Variants in TNRC6A observed in about 807,000 individuals in gnomAD.
The protein encoded by TNRC6A is trinucleotide repeat containing adaptor 6A, also known as trinucleotide repeat-containing gene 6A protein.
TNRC6A carries 44 observed loss-of-function variants against 221.2 expected under a neutral mutation model. The ratio of observed to expected loss-of-function variants is 0.20; its 90% CI spans 0.16 to 0.26. TNRC6A has a LOEUF of 0.26. Among genes scored for constraint, TNRC6A ranks in the 10% least tolerant of loss-of-function variants. TNRC6A has a pLI of 1.00. For synonymous variants in TNRC6A, 847 were observed against 838.5 expected, an observed-to-expected ratio of 1.01 and a Z score of -0.18; for missense variants, 2,199 against 2,404.4, an observed-to-expected ratio of 0.91 and a Z score of 1.79.
chr16:24,619,368 C>T (rs963798289), intron 1 of TNRC6A, among the ~76,000 whole-genome samples: 1 of 152,196 alleles, frequency 6.6e-6, no homozygotes, highest in African/African-American at 2.4e-5. Context: ...AGAATTAATT[C>T]TGTTCCCCTA....
intron 16 of TNRC6A, 87 bp from the exon 17 acceptor site, chr16:24,806,487 G>A (rs2287786): frequency 6.5e-6 from 10 of 1,527,710 alleles, no homozygotes; most frequent in Non-Finnish European, 8.1e-6. Flanking sequence ...TGAGACGAAA[G>A]TGAATTCAAA....
chr16:24,693,544 C>T (rs1480903960), intron 2 of TNRC6A, among the ~76,000 whole-genome samples: 7 of 152,122 alleles, frequency 4.6e-5, no homozygotes, highest in South Asian at 2.1e-4. Flanking sequence ...GCCGAGATCG[C>T]GCCACTGCAC....
chr16:24,687,884 C>CAGAAGAAGA (rs1567357177), intron 2 of TNRC6A, among the ~76,000 whole-genome samples: 2 of 111,974 alleles, frequency 1.8e-5, no homozygotes, highest in Non-Finnish European at 3.3e-5. Context: ...GAAGAAGAAG[C>CAGAAGAAGA]AGCTTATTCC....
chr16:24,785,410 A>G (rs988235042), intron 5 of TNRC6A, among the ~76,000 whole-genome samples: 1 of 152,268 alleles, frequency 6.6e-6, no homozygotes, highest in African/African-American at 2.4e-5. Context: ...GCAATAAAAT[A>G]TAATCATATA....
At chr16:24,772,713 G>A (rs942076831) in intron 4 of TNRC6A, among the ~76,000 whole-genome samples, 1 of 152,038 alleles carries the variant, frequency 6.6e-6, no homozygotes, top group Non-Finnish European at 1.5e-5. Context: ...AACCAGGGAG[G>A]TGGAGGTTGC....
At chr16:24,732,727 T>G (rs769206261) in intron 2 of TNRC6A, among the ~76,000 whole-genome samples, 2 of 152,176 alleles carry the variant, frequency 1.3e-5, no homozygotes, top group Non-Finnish European at 2.9e-5. Context: ...TTTTGAGGGT[T>G]GTTCTGTGCA....
At chr16:24,729,447 G>A (rs575137367), upstream of TNRC6A, among the ~76,000 whole-genome samples, 6 of 151,762 alleles carry the variant, frequency 4.0e-5, no homozygotes, top group South Asian at 1.2e-3. Context: ...AAAAAGGTTG[G>A]ACTCGGGACT....
intron 2 of TNRC6A, among the ~76,000 whole-genome samples, chr16:24,738,417 A>G (rs1216625158): frequency 2.0e-5 from 3 of 151,908 alleles, no homozygotes; most frequent in Non-Finnish European, 4.4e-5. Context: ...TCACCCCTTC[A>G]CCCAAAAACC....
intron 2 of TNRC6A, among the ~76,000 whole-genome samples, chr16:24,668,271 T>G (rs2141975544): frequency 6.6e-6 from 1 of 150,626 alleles, no homozygotes; most frequent in East Asian, 2.0e-4. Context: ...GAGGTTGCGG[T>G]GAGCCAAGAT....
At chr16:24,773,597 C>G (rs1338048483) in intron 4 of TNRC6A, among the ~76,000 whole-genome samples, 1 of 152,150 alleles carries the variant, frequency 6.6e-6, no homozygotes, top group Non-Finnish European at 1.5e-5. Context: ...GGGCATTTGT[C>G]AAAAAGATGT....
At chr16:24,745,806 C>CG (rs1269401383) in intron 2 of TNRC6A, among the ~76,000 whole-genome samples, 1 of 148,814 alleles carries the variant, frequency 6.7e-6, no homozygotes, top group Non-Finnish European at 1.5e-5. Flanking sequence ...CCCCCCCCCC[C>CG]CCAGCTAATT....
At chr16:24,625,737 CAAAAAAAAAAAA>C (rs749882396) in intron 1 of TNRC6A, among the ~76,000 whole-genome samples, 12 of 24,052 alleles carry the variant, frequency 5.0e-4, no homozygotes, top group African/African-American at 5.9e-4. Context: ...CGTCTCAAAA[CAAAAAAAAAAAA>C]AAAAAAAAAA....
chr16:24,823,796 G>A lies in TNRC6A; in HGVS notation c.5878G>A (p.Glu1960Lys). 1.4e-6 allele frequency: 2 copies of A among 1,475,720 alleles called. No individual in the cohort carries two copies. Among genetic ancestry groups the A allele is most frequent in the Non-Finnish European group, 1.8e-6 (2 of 1,112,638 alleles). 91.4% of individuals were successfully genotyped at this position (1,475,720 alleles called of 1,614,324 possible). A position where few individuals can be genotyped will look rare whatever the true frequency, so the allele number is the denominator to read the frequency against. Reference protein sequence around the residue: ...LSVDHLGGGGESM With the variant: ...LSVDHLGGGGKSM ...TGTTGACCACCTGGGTGGGGGTGGA[G>A]AGTCCATGTAACAGTGTAGATGCAG... is the stretch of plus-strand genomic sequence containing the variant. Residue 1960 changes from glutamate (E) to lysine (K), a missense_variant, in exon 25 of 25, where the codon GAG becomes AAG. Coordinates refer to ENST00000395799, the MANE Select transcript of TNRC6A (RefSeq NM_014494.4). This position sits in a 1 kb window ranked among gnomAD's most constrained non-coding sequence, Gnocchi z 4.3.
chr16:24,766,106 G>A (rs935299929), intron 4 of TNRC6A, among the ~76,000 whole-genome samples: 2 of 152,124 alleles, frequency 1.3e-5, no homozygotes, highest in Non-Finnish European at 2.9e-5. Context: ...TCGGTACTTA[G>A]CCCTTTATTT....
At chr16:24,656,335 C>T (rs574808629) in intron 2 of TNRC6A, among the ~76,000 whole-genome samples, 10 of 151,238 alleles carry the variant, frequency 6.6e-5, no homozygotes, top group Admixed American at 1.3e-4. Flanking sequence ...GGCATGGTGG[C>T]GCATGCCTGT....
chr16:24,803,888 G>A (rs1287186576), intron 11 of TNRC6A: 6 of 269,568 alleles, frequency 2.2e-5, no homozygotes, highest in South Asian at 1.5e-4. Context: ...GCCACAAAGC[G>A]AGACTGTCTA....
intron 2 of TNRC6A, among the ~76,000 whole-genome samples, chr16:24,748,662 C>T (rs571151699): frequency 6.6e-6 from 1 of 152,134 alleles, no homozygotes; most frequent in East Asian, 1.9e-4. Flanking sequence ...TCTGCATCTC[C>T]TCTCAGTCTG....
chr16:24,804,408 A>AAT, intron 12 of TNRC6A, 89 bp downstream of exon 12: 2 of 1,430,394 alleles, frequency 1.4e-6, no homozygotes, highest in Non-Finnish European at 1.9e-6. Context: ...CCTTTTATAT[A>AAT]ATATAAAGTG....
intron 4 of TNRC6A, among the ~76,000 whole-genome samples, chr16:24,767,682 T>C (rs2057502578): frequency 6.6e-6 from 1 of 152,226 alleles, no homozygotes; most frequent in Admixed American, 6.5e-5. Context: ...AGCTGAAGTT[T>C]ATTTTTATAC....
Sources: gnomAD v4.1 joint callset for allele counts (sites outside exome capture counted in the v4.1 genomes callset) on GRCh38, gnomAD v4.1.1 for gene constraint, Gnocchi (gnomAD v3.1) non-coding constraint, MANE v1.5 for transcripts, NCBI Gene and HGNC (gene_info 2026-07-23, HGNC 2026-07-21) for gene names.